Variants in C11orf54 observed in about 807,000 individuals in gnomAD.
C11orf54 encodes the protein beta-keto L-gulonate decarboxylase.
Under a neutral mutation model 35.5 loss-of-function variants are expected in C11orf54, and 29 were observed. The ratio of observed to expected loss-of-function variants is 0.82; its 90% CI spans 0.61 to 1.11. The LOEUF (loss-of-function observed/expected upper bound fraction) is 1.11. C11orf54 is among the 50% of genes most tolerant of loss of function. The probability of loss-of-function intolerance (pLI) is 0.00; values close to 1 mark genes in which losing one functional copy is unlikely to be tolerated. For missense variants in C11orf54, 373 were observed against 369.2 expected (o/e 1.01, Z -0.08); for synonymous variants, 108 against 121.1 (o/e 0.89, Z 0.71).
chr11:93,748,927 C>T (rs376881785), intron 2 of C11orf54, among the ~76,000 whole-genome samples: 2 of 144,934 alleles, frequency 1.4e-5, no homozygotes, highest in South Asian at 4.5e-4. Flanking sequence ...AGGCAGATCA[C>T]GAGGTCAGGA....
Position 93,761,759 on chromosome 11 carries a change from G to A in C11orf54, c.*71G>A, listed in dbSNP as rs1943491730. 2.9e-6 allele frequency: 4 copies of A among 1,356,974 alleles called. No homozygotes were observed. The African/African-American group carries it at 4.5e-5, about 15-fold the overall frequency. 84.1% of individuals were successfully genotyped at this position (1,356,974 alleles called of 1,614,324 possible). ...ATTGATTGACTTATTAATTAATACT[G>A]ATATAAAACCAATAGAAATGATCCC... On this transcript the variant is annotated 3_prime_UTR_variant, in exon 9 of 9. Transcript: ENST00000354421.
chr11:93,749,424 G>A (rs1173285238), intron 2 of C11orf54, among the ~76,000 whole-genome samples: 1 of 148,284 alleles, frequency 6.7e-6, no homozygotes, highest in African/African-American at 2.5e-5. Flanking sequence ...AAGGCTGAGT[G>A]AGCCAAGATC....
chr11:93,758,243 C>T (rs1483283715), intron 7 of C11orf54, among the ~76,000 whole-genome samples: 7 of 152,182 alleles, frequency 4.6e-5, no homozygotes, highest in African/African-American at 1.7e-4. Flanking sequence ...CTGCCCCTTC[C>T]GAGTTGGCGC....
intron 2 of C11orf54, among the ~76,000 whole-genome samples, chr11:93,747,677 T>C (rs1170071863): frequency 1.3e-5 from 2 of 152,200 alleles, no homozygotes; most frequent in Admixed American, 1.3e-4. Flanking sequence ...AATTTATAAA[T>C]TCTTTTTTCT....
intron 7 of C11orf54, among the ~76,000 whole-genome samples, chr11:93,758,228 G>A (rs1337418841): frequency 6.6e-6 from 1 of 152,212 alleles, no homozygotes; most frequent in Non-Finnish European, 1.5e-5. Context: ...AGACAGGTGG[G>A]AGTCCTGCCC....
At chr11:93,754,537 T>A (rs944137752) in intron 5 of C11orf54, among the ~76,000 whole-genome samples, 2 of 152,266 alleles carry the variant, frequency 1.3e-5, no homozygotes, top group South Asian at 4.1e-4. Flanking sequence ...TTTCTTTGAA[T>A]CTCATGAATA....
At chr11:93,751,911 A>G (rs904402946) in intron 3 of C11orf54, among the ~76,000 whole-genome samples, 12 of 145,498 alleles carry the variant, frequency 8.2e-5, no homozygotes, top group African/African-American at 2.8e-4. Context: ...CAGTGGCACA[A>G]TCTTGGCTCA....
At chr11:93,751,026 A>G (rs146822925) in intron 3 of C11orf54, among the ~76,000 whole-genome samples, 22 of 152,344 alleles carry the variant, frequency 1.4e-4, no homozygotes, top group Non-Finnish European at 3.1e-4. Context: ...GAGAGAGGCT[A>G]GATAAGCTCA....
chr11:93,761,747 T>C lies in C11orf54; in HGVS notation c.*59T>C. On this transcript the variant is annotated 3_prime_UTR_variant, in exon 9 of 9. Coordinates refer to ENST00000354421, the MANE Select transcript of C11orf54 (RefSeq NM_001286069.2). ...TAAGGTTAATTAATTGATTGACTTA[T>C]TAATTAATACTGATATAAAACCAAT... 6.9e-7 allele frequency: 1 copy of C among 1,439,926 alleles called. No individual in the cohort carries two copies. The highest frequency in any genetic ancestry group is 1.4e-5 in the African/African-American group (1 of 69,134). The allele number at this position is 1,439,926 out of a possible 1,614,324, so 89.2% of individuals were successfully genotyped here. A position where few individuals can be genotyped will look rare whatever the true frequency, so the allele number is the denominator to read the frequency against.
Position 93,741,691 on chromosome 11 carries a change from A to G in C11orf54, c.-135A>G, listed in dbSNP as rs942226258. 1.7e-5 allele frequency: 6 copies of G among 355,812 alleles called. No individual in the cohort carries two copies. In the Admixed American group the frequency reaches 2.3e-4, roughly 14 times the overall value. 22.0% of individuals were successfully genotyped at this position (355,812 alleles called of 1,614,324 possible). On this transcript the variant is annotated 5_prime_UTR_variant, in exon 1 of 9. Coordinates refer to ENST00000354421, the MANE Select transcript of C11orf54 (RefSeq NM_001286069.2). ...GGAGGCGGGGTTGGCCTAGGCGAAG[A>G]TCCGGACTCTGGGTGTTTTGCTACC... is the stretch of plus-strand genomic sequence containing the variant.
chr11:93,755,752 CA>C lies in C11orf54; in HGVS notation c.507+383del, dbSNP rs11452678. ...TGGGCCACTGAGTGAGACTCTGTCT[CA>C]AAAAAAAAAAAAAAAAGAAAATTAG... On this transcript the variant is annotated intron_variant, in intron 6 of 8. Coordinates refer to ENST00000354421, the MANE Select transcript of C11orf54 (RefSeq NM_001286069.2). 2.1e-3 allele frequency among the ~76,000 whole-genome samples: 233 copies of C among 109,760 alleles called. 1 individual carries two copies. Among genetic ancestry groups the C allele is most frequent in the African/African-American group, 6.3e-3 (164 of 26,020 alleles). The allele number at this position is 109,760 out of a possible 152,430, so 72.0% of individuals were successfully genotyped here.
At chr11:93,749,850 A>G (rs1435067245) in intron 2 of C11orf54, among the ~76,000 whole-genome samples, 1 of 152,222 alleles carries the variant, frequency 6.6e-6, no homozygotes, top group South Asian at 2.1e-4. Context: ...AATATTTCCA[A>G]CATCCCAGAA....
chr11:93,758,019 A>G (rs1484036794), intron 7 of C11orf54, among the ~76,000 whole-genome samples: 1 of 152,240 alleles, frequency 6.6e-6, no homozygotes, highest in Non-Finnish European at 1.5e-5. Flanking sequence ...TAAGATCAAG[A>G]TAAATTCAAG....
chr11:93,760,773 C>T (rs1402577911), intron 8 of C11orf54, among the ~76,000 whole-genome samples: 1 of 152,080 alleles, frequency 6.6e-6, no homozygotes, highest in African/African-American at 2.4e-5. Flanking sequence ...GTTCTCCTGC[C>T]TCACCCTCCT....
At chr11:93,745,224 C>T (rs1239851975) in intron 1 of C11orf54, among the ~76,000 whole-genome samples, 1 of 152,144 alleles carries the variant, frequency 6.6e-6, no homozygotes, top group Non-Finnish European at 1.5e-5. Context: ...TCCTTCTCAG[C>T]ACAGACCCTT....
chr11:93,750,977 A>G (rs143752445), intron 3 of C11orf54, among the ~76,000 whole-genome samples: 58 of 152,334 alleles, frequency 3.8e-4, no homozygotes, highest in Non-Finnish European at 7.9e-4. Context: ...ACCACAAGGT[A>G]AGTAGTAGCC....
chr11:93,756,153 CAAGACTCTGTCTCCAAAAAAA>C (rs1943134219), intron 6 of C11orf54, among the ~76,000 whole-genome samples: 1 of 97,092 alleles, frequency 1.0e-5, no homozygotes. Context: ...GGCAACAAAG[CAAGACTCTGTCTCCAAAAAAA>C]AAAAAAAAAA....
intron 1 of C11orf54, among the ~76,000 whole-genome samples, chr11:93,744,433 C>T (rs1387113709): frequency 6.6e-6 from 1 of 152,140 alleles, no homozygotes; most frequent in South Asian, 2.1e-4. Flanking sequence ...TGTTCTTATT[C>T]CTACTGCCAG....
intron 7 of C11orf54, among the ~76,000 whole-genome samples, chr11:93,757,908 A>G (rs1402829250): frequency 6.6e-6 from 1 of 152,234 alleles, no homozygotes; most frequent in African/African-American, 2.4e-5. Context: ...TTATGATTGT[A>G]TTACTTTAAA....
Sources: allele counts gnomAD v4.1 joint callset (sites outside exome capture counted in the v4.1 genomes callset), GRCh38; gene constraint gnomAD v4.1.1; transcripts MANE v1.5; gene names NCBI Gene and HGNC (gene_info 2026-07-23, HGNC 2026-07-21).